Variants in CORO1B observed in about 807,000 individuals in gnomAD.
The protein encoded by CORO1B is coronin 1B, also known as coronin-1B.
In CORO1B, 30 loss-of-function variants were observed where a neutral mutation model predicts 51.1. The observed-to-expected ratio is 0.59, with a 90% CI of 0.44 to 0.80. The LOEUF (loss-of-function observed/expected upper bound fraction) is 0.80. Among genes scored for constraint, CORO1B ranks in the 30% least tolerant of loss-of-function variants. CORO1B has a pLI of 0.00. For missense variants in CORO1B, 648 were observed against 700.4 expected, an observed-to-expected ratio of 0.93 and a Z score of 0.84; for synonymous variants, 310 against 289.7, an observed-to-expected ratio of 1.07 and a Z score of -0.71.
chr11:67,443,607 G>A, upstream of CORO1B: 2 of 717,620 alleles, frequency 2.8e-6, no homozygotes, highest in Non-Finnish European at 3.4e-6. Context: ...CGGGAGCGGG[G>A]CCGCCGGGGA....
rs920254806 is a variant in CORO1B at position 67,442,029 on chromosome 11, G to A, written c.261C>T (p.Asp87=). The A allele has an allele frequency of 2.5e-6, 4 of 1,613,104 alleles. No homozygotes were observed. The highest frequency in any genetic ancestry group is 3.4e-6 in the Non-Finnish European group (4 of 1,180,030). ...TVCGHTGPVL[D]IDWCPHNDEV... ...CGTCGTTGTGAGGACACCAGTCGAT[G>A]TCCAGGACAGGTCCCGTGTGCCCAC... Residue 87 remains aspartate, a synonymous_variant, in exon 3 of 11, where the codon GAC becomes GAT. Transcript: ENST00000341356.
At position 67,436,188 on chromosome 11, in the gene CORO1B, G is replaced by A. The variant is rs758544626; in HGVS notation, c.*2188C>T. 2.3e-5 allele frequency: 36 copies of A among 1,554,290 alleles called. No homozygotes were observed. Among genetic ancestry groups the A allele is most frequent in the Non-Finnish European group, 2.8e-5 (32 of 1,150,894 alleles). On this transcript the variant is annotated 3_prime_UTR_variant, in exon 11 of 11. Transcript: ENST00000341356. ...TAGCCCCCTGAGTCACGGCTGAGGCGGCGCCAGGCCAGTGCTAGGCCAGTG... is the reference window on the plus strand; with the variant it reads ...TAGCCCCCTGAGTCACGGCTGAGGCAGCGCCAGGCCAGTGCTAGGCCAGTG...
chr11:67,435,759 G>C lies in CORO1B; in HGVS notation c.*2617C>G, dbSNP rs1458886581. ...TACAGTGCGGTGACATGGAGGCCCT[G>C]GCCCCCAGCTGCCCTGGCGCTGTCA... On this transcript the variant is annotated 3_prime_UTR_variant, in exon 11 of 11. Transcript: ENST00000341356. The C allele has an allele frequency of 6.4e-7, 1 of 1,554,054 alleles. No homozygotes were observed. The highest frequency in any genetic ancestry group is 8.7e-7 in the Non-Finnish European group (1 of 1,151,012).
intron 6 of CORO1B, 62 bp downstream of exon 6, chr11:67,441,063 T>C: frequency 6.2e-7 from 1 of 1,611,344 alleles, no homozygotes. Context: ...GGGTGAACCC[T>C]GCCTGCCTGG....
rs183445083 is a variant in CORO1B, at chr11:67,437,412, G to A, written c.*964C>T. 2.6e-4 allele frequency: 125 copies of A among 475,692 alleles called. No homozygotes were observed. The South Asian group carries it at 3.9e-3, about 15-fold the overall frequency. The allele number at this position is 475,692 out of a possible 1,614,324, so 29.5% of individuals were successfully genotyped here. On this transcript the variant is annotated 3_prime_UTR_variant, in exon 11 of 11. Coordinates refer to ENST00000341356, the MANE Select transcript of CORO1B (RefSeq NM_020441.3). ...AGGGCTCCTGACAGGGGCCTGGTCC[G>A]GTATGGGGTGCTGGGGGCCAGGCCT...
intron 6 of CORO1B, chr11:67,440,720 G>A (rs749598826): frequency 2.7e-5 from 18 of 655,752 alleles, no homozygotes; most frequent in African/African-American, 2.5e-4. Flanking sequence ...GGGGAGCTGG[G>A]GTGCCAGCGG....
Position 67,436,121 on chromosome 11 carries a change from G to A in CORO1B, c.*2255C>T, listed in dbSNP as rs772169256. On this transcript the variant is annotated 3_prime_UTR_variant, in exon 11 of 11. Coordinates refer to ENST00000341356, the MANE Select transcript of CORO1B (RefSeq NM_020441.3). ...GGGGCTGGCCCAGAGCAGGCGCCGCGTGCGGCCCCACAGCGCGGCACCTAG... is the reference window on the plus strand; with the variant it reads ...GGGGCTGGCCCAGAGCAGGCGCCGCATGCGGCCCCACAGCGCGGCACCTAG... The A allele has an allele frequency of 8.1e-6, 13 of 1,596,496 alleles. No individual in the cohort carries two copies. The highest frequency in any genetic ancestry group is 3.5e-5 in the Admixed American group (2 of 57,548).
At position 67,441,172 on chromosome 11, in the gene CORO1B, T is replaced by C; in HGVS notation, c.709A>G (p.Thr237Ala). The C allele has an allele frequency of 6.2e-7, 1 of 1,613,136 alleles. No individual in the cohort carries two copies. The highest frequency in any genetic ancestry group is 8.5e-7 in the Non-Finnish European group (1 of 1,179,998). ...CGCTCGCTCATTCGGCTGAAGCCTG[T>C]GGTGAACACCTTGCCATCTGCCAGG... The part of the protein sequence containing the change: ...IFLADGKVFT[T>A]GFSRMSERQL... Residue 237 changes from threonine to alanine, a missense_variant, in exon 6 of 11, where the codon ACA becomes GCA. Transcript: ENST00000341356.
intron 8 of CORO1B, 67 bp downstream of exon 8, chr11:67,440,051 G>GCCT: frequency 6.5e-7 from 1 of 1,540,922 alleles, no homozygotes; most frequent in East Asian, 2.3e-5. Flanking sequence ...CTCCCAAGCA[G>GCCT]CCTCCAATGA....
chr11:67,438,752 CG>C lies in CORO1B; in HGVS notation c.1262del (p.Pro421ArgfsTer6), dbSNP rs2135140855. On this transcript the variant is annotated frameshift_variant, in exon 10 of 11. Transcript: ENST00000341356. LOFTEE classifies it high-confidence loss of function. Reference protein sequence around the residue: ...VLSDSRPAMAPGSSHLGAPAS... With the variant: ...VLSDSRPAMAXGSSHLGAPAS... ...CGGGGGCCCCTAGGTGGGAGGAGCC[CG>C]GGGCCATGGCGGGCCGGCTGTCAGA... The C allele has an allele frequency of 1.3e-6, 2 of 1,563,022 alleles. No individual in the cohort carries two copies. Among genetic ancestry groups the C allele is most frequent in the Admixed American group, 1.9e-5 (1 of 53,658 alleles).
chr11:67,443,449 G>C lies in CORO1B; in HGVS notation c.-48C>G. 1.0e-6 allele frequency: 1 copy of C among 986,270 alleles called. No individual in the cohort carries two copies. The highest frequency in any genetic ancestry group is 1.2e-6 in the Non-Finnish European group (1 of 830,106). 61.1% of individuals were successfully genotyped at this position (986,270 alleles called of 1,614,324 possible). On this transcript the variant is annotated 5_prime_UTR_variant, in exon 1 of 11. Coordinates refer to ENST00000341356, the MANE Select transcript of CORO1B (RefSeq NM_020441.3). ...GGGGCTGCGGCACCGGCTTCGGGCG[G>C]CTCCGGATCCCGGCCTCTGGGAAGC... is the stretch of plus-strand genomic sequence containing the variant.
chr11:67,437,923 G>C lies in CORO1B; in HGVS notation c.*453C>G, dbSNP rs1864318526. 4 of 375,564 alleles carry C rather than the reference G, an allele frequency of 1.1e-5. No individual in the cohort carries two copies. 23.3% of individuals were successfully genotyped at this position (375,564 alleles called of 1,614,324 possible). A position where few individuals can be genotyped will look rare whatever the true frequency, so the allele number is the denominator to read the frequency against. On this transcript the variant is annotated 3_prime_UTR_variant, in exon 11 of 11. Coordinates refer to ENST00000341356, the MANE Select transcript of CORO1B (RefSeq NM_020441.3). ...TCAGTTTCCCTGCCTGACAATCCAG[G>C]GGAGCAATGCCTGTGGGGCTGCTCA...
chr11:67,438,087 G>C lies in CORO1B; in HGVS notation c.*289C>G. On this transcript the variant is annotated 3_prime_UTR_variant, in exon 11 of 11. Transcript: ENST00000341356. Reference sequence around the variant, plus strand: ...GAATTTTATTTGGAATGAAAATATAGAGCCCACCCTCCCGCCTCCTCTGGG... The same window carrying C: ...GAATTTTATTTGGAATGAAAATATACAGCCCACCCTCCCGCCTCCTCTGGG... The C allele has an allele frequency of 2.5e-6, 1 of 393,806 alleles. No homozygotes were observed. The allele number at this position is 393,806 out of a possible 1,614,324, so 24.4% of individuals were successfully genotyped here.
upstream of CORO1B, chr11:67,443,512 G>A: frequency 1.0e-6 from 1 of 959,736 alleles, no homozygotes; most frequent in Non-Finnish European, 1.2e-6. Context: ...GGGACCCGGA[G>A]CGGGGGCGGG....
At chr11:67,443,790 A>T, upstream of CORO1B, 2 of 985,190 alleles carry the variant, frequency 2.0e-6, no homozygotes, top group Non-Finnish European at 2.4e-6. Context: ...TGCTCCTCAT[A>T]ATGGCATCCG....
Position 67,436,047 on chromosome 11 carries a change from C to A in CORO1B, c.*2329G>T. ...TGCTCATCCTCCTGTCGCTCAAGGT[C>A]ATTGTCTGTGGACCCCAGCTCAGCT... On this transcript the variant is annotated 3_prime_UTR_variant, in exon 11 of 11. Coordinates refer to ENST00000341356, the MANE Select transcript of CORO1B (RefSeq NM_020441.3). 6.2e-7 allele frequency: 1 copy of A among 1,613,506 alleles called. No homozygotes were observed. The highest frequency in any genetic ancestry group is 8.5e-7 in the Non-Finnish European group (1 of 1,179,864).
Position 67,435,913 on chromosome 11 carries a change from A to G in CORO1B, c.*2463T>C. On this transcript the variant is annotated 3_prime_UTR_variant, in exon 11 of 11. Transcript: ENST00000341356. ...CCGTGTCACTGTCTCTGGCTTCCTC[A>G]GCCCGCACGGGGACCTGCTCTGGGC... 6.2e-7 allele frequency: 1 copy of G among 1,612,770 alleles called. No individual in the cohort carries two copies. Among genetic ancestry groups the G allele is most frequent in the Non-Finnish European group, 8.5e-7 (1 of 1,179,660 alleles).
rs1462163854 is a variant in CORO1B, at chr11:67,437,960, C to T, written c.*416G>A. 1 of 363,680 alleles carries T rather than the reference C, an allele frequency of 2.7e-6. No individual in the cohort carries two copies. 22.5% of individuals were successfully genotyped at this position (363,680 alleles called of 1,614,324 possible). A position where few individuals can be genotyped will look rare whatever the true frequency, so the allele number is the denominator to read the frequency against. On this transcript the variant is annotated 3_prime_UTR_variant, in exon 11 of 11. Transcript: ENST00000341356. ...TGTGGGGCTGCTCACTGCCCCCAGA[C>T]CTTCTGCACATGTGTGACTCCTGTG...
rs757253597 is a variant in CORO1B at position 67,442,539 on chromosome 11, G to T, written c.90C>A (p.Arg30=). Residue 30 remains arginine, a synonymous_variant, in exon 2 of 11, where the codon CGC becomes CGA. Transcript: ENST00000341356. ...TGCTGTCCCAGGTAACACGGGACAC[G>T]CGAATGTCCTCATAGCACTGGTCGT... ...VKNDQCYEDI[R]VSRVTWDSTF... 2.5e-5 allele frequency: 41 copies of T among 1,613,800 alleles called. No homozygotes were observed. The Middle Eastern group carries it at 4.9e-4, about 19-fold the overall frequency.
Sources: gnomAD v4.1 joint callset for allele counts on GRCh38, gnomAD v4.1.1 for gene constraint, MANE v1.5 for transcripts, NCBI Gene and HGNC (gene_info 2026-07-23, HGNC 2026-07-21) for gene names.